TDRD9: variants seen among roughly 807,000 people sequenced by gnomAD.
The protein encoded by TDRD9 is ATP-dependent RNA helicase TDRD9.
In TDRD9, 124 loss-of-function variants were observed where a neutral mutation model predicts 172.6. That is an observed-to-expected ratio of 0.72 (90% CI 0.62 to 0.83). TDRD9 has a LOEUF of 0.83. TDRD9 is among the 40% of genes least tolerant of loss of function. TDRD9 has a pLI of 0.00. For missense variants in TDRD9, 1,479 were observed against 1,714.1 expected (o/e 0.86, Z 2.42); for synonymous variants, 619 against 617.1 (o/e 1.00, Z -0.05).
chr14:104,042,804 G>T (rs999906338), intron 34 of TDRD9, among the ~76,000 whole-genome samples: 15 of 152,114 alleles, frequency 9.9e-5, no homozygotes, highest in Admixed American at 7.2e-4. Flanking sequence ...GTCCTTCCTT[G>T]CCTGACAGTG....
At chr14:103,934,723 A>T (rs1057046614) in intron 1 of TDRD9, among the ~76,000 whole-genome samples, 1 of 152,236 alleles carries the variant, frequency 6.6e-6, no homozygotes, top group Non-Finnish European at 1.5e-5. Flanking sequence ...CGGAGCTTGC[A>T]GTGAGCTGAG....
chr14:103,996,914 T>C (rs149903380), intron 12 of TDRD9, among the ~76,000 whole-genome samples: 1 of 152,186 alleles, frequency 6.6e-6, no homozygotes, highest in Non-Finnish European at 1.5e-5. Flanking sequence ...GTCGGGTCCA[T>C]ACCTGGCAAA....
At chr14:104,021,779 G>A (rs1022039312) in intron 23 of TDRD9, among the ~76,000 whole-genome samples, 19 of 152,284 alleles carry the variant, frequency 1.2e-4, no homozygotes, top group Admixed American at 2.6e-4. Flanking sequence ...GTGGTTTTCT[G>A]TATCTGTTTT....
At chr14:103,946,706 G>C (rs1185242884) in intron 1 of TDRD9, among the ~76,000 whole-genome samples, 1 of 152,198 alleles carries the variant, frequency 6.6e-6, no homozygotes, top group African/African-American at 2.4e-5. Context: ...CAAAGTAGCA[G>C]TCTACAAAGT....
chr14:103,972,352 A>G (rs1313144132), intron 6 of TDRD9, among the ~76,000 whole-genome samples: 1 of 152,204 alleles, frequency 6.6e-6, no homozygotes, highest in African/African-American at 2.4e-5. Flanking sequence ...ATGAATCTGC[A>G]GTCCCTGTGT....
intron 1 of TDRD9, among the ~76,000 whole-genome samples, chr14:103,938,383 TG>T (rs1365916408): frequency 0.019 from 53 of 2,786 alleles, no homozygotes; most frequent in Non-Finnish European, 0.086. Flanking sequence ...GCCCCATATA[TG>T]TGTGTGTGTG....
chr14:103,942,982 A>G (rs2152120701), intron 1 of TDRD9, among the ~76,000 whole-genome samples: 1 of 152,292 alleles, frequency 6.6e-6, no homozygotes, highest in Non-Finnish European at 1.5e-5. Flanking sequence ...TAGAGGCATA[A>G]GAACATACAA....
In TDRD9 at chr14:104,031,261, A is replaced by G; in HGVS notation, c.3436A>G (p.Lys1146Glu). The G allele has an allele frequency of 1.3e-6, 2 of 1,549,122 alleles. No individual in the cohort carries two copies. The highest frequency in any genetic ancestry group is 2.0e-5 in the Admixed American group (1 of 50,110). ...CAATAAACTGGGTACTCCAAACTGT[A>G]AGGTGATTGTAGGAGTTTTAAAATG... ...STNKLGTPNC[K>E]AELHGPFNPY... Residue 1146 changes from lysine (K) to glutamate (E), a missense_variant and splice_region_variant, in exon 29 of 36, where the codon AAG becomes GAG. This residue lies in a region of TDRD9 where 1,413 missense variants were observed against 1,649.1 expected (regional missense o/e 0.86). Coordinates refer to ENST00000409874, the MANE Select transcript of TDRD9 (RefSeq NM_153046.3).
chr14:103,928,699 G>T lies in TDRD9; in HGVS notation c.190G>T (p.Ala64Ser). The T allele has an allele frequency of 8.4e-7, 1 of 1,189,830 alleles. No individual in the cohort carries two copies. 73.7% of individuals were successfully genotyped at this position (1,189,830 alleles called of 1,614,324 possible). The change falls in exon 1 of 36, where the codon GCC becomes TCC. Residue 64 changes from alanine (A) to serine (S), a missense_variant. Transcript: ENST00000409874. ...GGCTCCGGCTCTGGCCCAAGCTCCG[G>T]CCCGGCCGGCCGCTGCGTTCGAAAG... ...AQAPALAQAP[A>S]RPAAAFERSL...
chr14:104,025,306 C>G (rs1173378889), intron 25 of TDRD9, among the ~76,000 whole-genome samples: 12 of 152,156 alleles, frequency 7.9e-5, no homozygotes, highest in Admixed American at 7.9e-4. Context: ...ACCTCAGAAC[C>G]TTTATTTATG....
chr14:104,042,131 T>C lies in TDRD9; in HGVS notation c.3918T>C (p.Cys1306=), dbSNP rs748798377. 2 of 1,613,782 alleles carry C rather than the reference T, an allele frequency of 1.2e-6. No homozygotes were observed. The highest frequency in any genetic ancestry group is 1.1e-5 in the South Asian group (1 of 91,062). The part of the protein sequence containing the change: ...LVCDGPNGCK[C]LGPERVAQLQ... ...GTGATGGACCAAATGGATGCAAGTG[T>C]CTTGGGCCAGAGAGAGTTGCGCAGC... The change falls in exon 34 of 36, where the codon TGT becomes TGC. Residue 1306 remains cysteine, a synonymous_variant. Transcript: ENST00000409874.
chr14:104,015,418 C>T (rs1232062511), intron 21 of TDRD9, among the ~76,000 whole-genome samples: 2 of 152,126 alleles, frequency 1.3e-5, no homozygotes, highest in African/African-American at 4.8e-5. Flanking sequence ...TGGAAATGTG[C>T]GAGTGTTTTC....
chr14:103,938,390 GTGTGTGTGTGT>G, intron 1 of TDRD9, among the ~76,000 whole-genome samples: 1 of 4,040 alleles, frequency 2.5e-4, no homozygotes, highest in African/African-American at 3.2e-4. Context: ...ATATGTGTGT[GTGTGTGTGTGT>G]GTGTGTGTGT....
At chr14:104,020,916 A>G (rs981906662) in intron 23 of TDRD9, among the ~76,000 whole-genome samples, 6 of 152,092 alleles carry the variant, frequency 3.9e-5, no homozygotes, top group African/African-American at 1.4e-4. Flanking sequence ...CTCATGCCCC[A>G]GAGTGGGGCT....
rs1346232180 is a variant in TDRD9, at chr14:103,980,536, T to C, written c.1011+4983T>C. ...AGAGCCAGGTGTACAGGATGGAACATGAAAGCAGACTAGGAGTGTGACCAC... is the reference window on the plus strand; with the variant it reads ...AGAGCCAGGTGTACAGGATGGAACACGAAAGCAGACTAGGAGTGTGACCAC... On this transcript the variant is annotated intron_variant, in intron 7 of 35. Transcript: ENST00000409874. The surrounding 1 kb of genome is among the most constrained non-coding windows in gnomAD (Gnocchi z 4.5). 6.6e-6 allele frequency among the ~76,000 whole-genome samples: 1 copy of C among 152,146 alleles called. No individual in the cohort carries two copies. Among genetic ancestry groups the C allele is most frequent in the African/African-American group, 2.4e-5 (1 of 41,430 alleles).
chr14:103,960,913 G>A (rs1332832724), intron 2 of TDRD9, among the ~76,000 whole-genome samples: 1 of 152,206 alleles, frequency 6.6e-6, no homozygotes, highest in Non-Finnish European at 1.5e-5. Context: ...TTAGCAAAAC[G>A]AACGTGGCTG....
At position 104,026,921 on chromosome 14, in the gene TDRD9, G is replaced by A. The variant is rs1233172728; in HGVS notation, c.3264G>A (p.Glu1088=). The A allele has an allele frequency of 6.8e-6, 11 of 1,613,900 alleles. No individual in the cohort carries two copies. In the East Asian group the frequency reaches 2.5e-4, roughly 36 times the overall value. Residue 1088 remains glutamate (E), a synonymous_variant, in exon 28 of 36, where the codon GAG becomes GAA. Transcript: ENST00000409874. The stretch of plus-strand genomic sequence containing the variant: ...AGCAGGGCTATGCCGAGCTCACGGA[G>A]GAGTCCTACGAGTCCAAGGTGTGTG... ...LIQQGYAELT[E]ESYESKQSHE... is the part of the protein sequence containing the mutation.
chr14:104,003,595 C>G (rs78035796), intron 13 of TDRD9, among the ~76,000 whole-genome samples: 3,372 of 152,308 alleles, frequency 0.022, 71 homozygotes, highest in East Asian at 0.07. Flanking sequence ...CCTACCCCTC[C>G]CTTCACTCTC....
chr14:104,029,638 C>G (rs1302796445), intron 28 of TDRD9, among the ~76,000 whole-genome samples: 3 of 152,104 alleles, frequency 2.0e-5, no homozygotes, highest in Non-Finnish European at 2.9e-5. Context: ...TTTTGACTTT[C>G]TCTTTTCTAA....
Sources: gnomAD v4.1 joint callset for allele counts (sites outside exome capture counted in the v4.1 genomes callset) on GRCh38, gnomAD v4.1.1 for gene constraint, gnomAD v4.1.1 regional missense constraint, Gnocchi (gnomAD v3.1) non-coding constraint, MANE v1.5 for transcripts, NCBI Gene and HGNC (gene_info 2026-07-23, HGNC 2026-07-21) for gene names.